NYAP2: variants seen among roughly 807,000 people sequenced by gnomAD.
NYAP2 encodes the protein neuronal tyrosine-phosphorylated phosphoinositide-3-kinase adapter 2.
Under a neutral mutation model 50.4 loss-of-function variants are expected in NYAP2, and 23 were observed. That is an observed-to-expected ratio of 0.46 (90% CI 0.33 to 0.65). The LOEUF (loss-of-function observed/expected upper bound fraction) is 0.65, where lower values mean the gene tolerates loss of function less well. NYAP2 is among the 30% of genes least tolerant of loss of function. The pLI, the probability that NYAP2 is intolerant of heterozygous loss-of-function variation, is 0.02. For synonymous variants in NYAP2, 394 were observed against 365.2 expected (o/e 1.08, Z -0.90); for missense variants, 885 against 861.0 (o/e 1.03, Z -0.35).
chr2:225,493,192 GC>G (rs1690439448), intron 3 of NYAP2, among the ~76,000 whole-genome samples: 1 of 152,030 alleles, frequency 6.6e-6, no homozygotes, highest in Non-Finnish European at 1.5e-5. Context: ...TTGCCATGTT[GC>G]CCAGGCTGGT....
chr2:225,656,626 T>C (rs1175590332), downstream of NYAP2, among the ~76,000 whole-genome samples: 1 of 152,144 alleles, frequency 6.6e-6, no homozygotes, highest in Non-Finnish European at 1.5e-5. Context: ...TTGATGCATA[T>C]CTAGAGTGTA....
intron 3 of NYAP2, among the ~76,000 whole-genome samples, chr2:225,432,501 A>G (rs1259640820): frequency 1.3e-5 from 2 of 150,754 alleles, no homozygotes; most frequent in East Asian, 3.9e-4. Flanking sequence ...AGATATAGGT[A>G]TATTTATATA....
chr2:225,646,428 G>A (rs1330875073), intron 6 of NYAP2, among the ~76,000 whole-genome samples: 3 of 152,200 alleles, frequency 2.0e-5, no homozygotes, highest in African/African-American at 4.8e-5. Context: ...ACGCCTGCCT[G>A]TAATCCCAGC....
chr2:225,460,849 C>T lies in NYAP2; in HGVS notation c.221+51748C>T, dbSNP rs139154175. On this transcript the variant is annotated intron_variant, in intron 3 of 6. Transcript: ENST00000636099. ...GATAAGATTTGTTTTCCAAATTAGC[C>T]GGGCATGGTGGCAGGCACCTGTAGG... 2.4e-3 allele frequency among the ~76,000 whole-genome samples: 358 copies of T among 151,920 alleles called. 2 individuals are homozygous for T. Among genetic ancestry groups the T allele is most frequent in the African/African-American group, 8.2e-3 (339 of 41,442 alleles).
intron 3 of NYAP2, among the ~76,000 whole-genome samples, chr2:225,417,929 G>T (rs998126083): frequency 4.6e-5 from 7 of 152,054 alleles, no homozygotes. Flanking sequence ...TCTGGTAGGG[G>T]GTTGGGAGGT....
At chr2:225,701,247 G>A in the NYAP2 span, 1 of 151,682 alleles carries the variant, frequency 6.6e-6, no homozygotes. Flanking sequence ...TAATCAACTG[G>A]GATACTTCAA....
chr2:225,466,387 T>C (rs1195559043), intron 3 of NYAP2, among the ~76,000 whole-genome samples: 2 of 152,178 alleles, frequency 1.3e-5, no homozygotes, highest in Non-Finnish European at 2.9e-5. Context: ...TTGGGCTTAC[T>C]TGGGGGATAA....
At chr2:225,565,056 G>T (rs980780662) in intron 4 of NYAP2, among the ~76,000 whole-genome samples, 18 of 151,824 alleles carry the variant, frequency 1.2e-4, no homozygotes, top group African/African-American at 4.4e-4. Context: ...CTTGTACCTT[G>T]TGGGGCAGAG....
intron 3 of NYAP2, among the ~76,000 whole-genome samples, chr2:225,465,181 C>A (rs773200611): frequency 6.6e-6 from 1 of 152,066 alleles, no homozygotes; most frequent in Non-Finnish European, 1.5e-5. Flanking sequence ...ATCGACTTAC[C>A]CTTTGGGCAT....
At chr2:225,461,325 C>A (rs1046720615) in intron 3 of NYAP2, among the ~76,000 whole-genome samples, 4 of 152,208 alleles carry the variant, frequency 2.6e-5, no homozygotes, top group African/African-American at 4.8e-5. Context: ...AAATTGCACC[C>A]AGGTTGTGCA....
At chr2:225,664,905 G>C in the NYAP2 span, among the ~76,000 whole-genome samples, 1 of 151,810 alleles carries the variant, frequency 6.6e-6, no homozygotes, top group African/African-American at 2.4e-5. Flanking sequence ...ACCCCCAAAG[G>C]TTTATGAATA....
At chr2:225,517,977 A>G (rs906916626) in intron 4 of NYAP2, among the ~76,000 whole-genome samples, 1 of 152,204 alleles carries the variant, frequency 6.6e-6, no homozygotes, top group East Asian at 1.9e-4. Flanking sequence ...TACTGGATAC[A>G]CTTCCAAGGA....
chr2:225,431,094 A>G (rs908315115), intron 3 of NYAP2, among the ~76,000 whole-genome samples: 1 of 152,220 alleles, frequency 6.6e-6, no homozygotes, highest in Non-Finnish European at 1.5e-5. Context: ...ATGTTCAAAT[A>G]TCTCTAAAAA....
chr2:225,409,079 A>G, exon 3 of NYAP2: 2 of 1,605,492 alleles, frequency 1.2e-6, no homozygotes, highest in South Asian at 1.1e-5. Flanking sequence ...AAAACGCCGA[A>G]GACAAGAAGA....
At chr2:225,521,333 G>A (rs1320979584) in intron 4 of NYAP2, among the ~76,000 whole-genome samples, 2 of 151,584 alleles carry the variant, frequency 1.3e-5, no homozygotes, top group African/African-American at 4.9e-5. Flanking sequence ...GCTGAGAGAG[G>A]GCATCCCTGT....
chr2:225,525,007 C>G (rs1691127165), intron 4 of NYAP2, among the ~76,000 whole-genome samples: 1 of 152,064 alleles, frequency 6.6e-6, no homozygotes, highest in African/African-American at 2.4e-5. Context: ...CCAATCATCA[C>G]AGAAATCCAA....
At chr2:225,606,098 A>G (rs1040938393) in intron 5 of NYAP2, among the ~76,000 whole-genome samples, 1 of 152,160 alleles carries the variant, frequency 6.6e-6, no homozygotes, top group Non-Finnish European at 1.5e-5. Flanking sequence ...CTAGTAGAAG[A>G]TCATTGAGTC....
chr2:225,592,941 A>T (rs916141681), intron 5 of NYAP2, among the ~76,000 whole-genome samples: 6 of 152,242 alleles, frequency 3.9e-5, no homozygotes, highest in Admixed American at 6.5e-5. Context: ...AAATTAAGTT[A>T]TACCAGTCTA....
At chr2:225,431,559 T>C (rs1375463414) in intron 3 of NYAP2, among the ~76,000 whole-genome samples, 1 of 152,210 alleles carries the variant, frequency 6.6e-6, no homozygotes, top group Non-Finnish European at 1.5e-5. Context: ...ATCAGACTGA[T>C]GCAATTTCTC....
Sources: gnomAD v4.1 joint callset for allele counts (sites outside exome capture counted in the v4.1 genomes callset) on GRCh38, gnomAD v4.1.1 for gene constraint, MANE v1.5 for transcripts, NCBI Gene and HGNC (gene_info 2026-07-23, HGNC 2026-07-21) for gene names.